The following ATP10B variants were observed in gnomAD, a reference collection of about 807,000 sequenced individuals.
ATP10B encodes phospholipid-transporting ATPase VB.
In ATP10B, 122 loss-of-function variants were observed where a neutral mutation model predicts 141.2. That is an observed-to-expected ratio of 0.86 (90% CI 0.75 to 1.00). ATP10B has a LOEUF of 1.00. ATP10B is among the 50% of genes least tolerant of loss of function. ATP10B has a pLI of 0.00. For missense variants in ATP10B, 1,876 were observed against 1,825.3 expected, an observed-to-expected ratio of 1.03 and a Z score of -0.51; for synonymous variants, 685 against 692.0, an observed-to-expected ratio of 0.99 and a Z score of 0.16.
intron 2 of ATP10B, among the ~76,000 whole-genome samples, chr5:160,720,160 T>C (rs558280174): frequency 9.2e-5 from 14 of 152,330 alleles, no homozygotes; most frequent in African/African-American, 3.4e-4. Context: ...ATATAAGCCC[T>C]TATTTCCCCT....
intron 24 of ATP10B, among the ~76,000 whole-genome samples, chr5:160,573,481 G>A (rs549317586): frequency 6.6e-6 from 1 of 152,346 alleles, no homozygotes; most frequent in South Asian, 2.1e-4. Context: ...CCATGGACTA[G>A]TACCAGTCCA....
chr5:160,842,186 A>G (rs1052871621), intron 1 of ATP10B, among the ~76,000 whole-genome samples: 3 of 152,194 alleles, frequency 2.0e-5, no homozygotes, highest in African/African-American at 7.2e-5. Flanking sequence ...ACTAAAAAAC[A>G]TTTTCCCCTA....
At chr5:160,912,414 CAAAAAAAAAAAAA>C in the ATP10B span, among the ~76,000 whole-genome samples, 6 of 88,910 alleles carry the variant, frequency 6.7e-5, no homozygotes, top group Admixed American at 1.4e-4. Context: ...CTGTTTCTAC[CAAAAAAAAAAAAA>C]AAAAAAAAAA....
chr5:160,703,883 A>G (rs1471559548), intron 3 of ATP10B, among the ~76,000 whole-genome samples: 2 of 152,234 alleles, frequency 1.3e-5, no homozygotes, highest in Non-Finnish European at 2.9e-5. Context: ...TAAACTACAG[A>G]ATGAATATTA....
At chr5:160,678,539 A>G (rs2127735856) in intron 6 of ATP10B, among the ~76,000 whole-genome samples, 1 of 152,236 alleles carries the variant, frequency 6.6e-6, no homozygotes, top group Admixed American at 6.5e-5. Context: ...CATGCCTGTA[A>G]TCCCAGCTAC....
chr5:160,765,998 C>T (rs1184792956), intron 2 of ATP10B, among the ~76,000 whole-genome samples: 10 of 152,048 alleles, frequency 6.6e-5, no homozygotes, highest in South Asian at 2.1e-4. Flanking sequence ...ATCAAAACCA[C>T]GATGTGATAC....
At chr5:160,802,501 A>G (rs1296504543) in intron 1 of ATP10B, among the ~76,000 whole-genome samples, 2 of 152,210 alleles carry the variant, frequency 1.3e-5, no homozygotes, top group African/African-American at 4.8e-5. Context: ...TGCCTGCGAT[A>G]TTGTTAAACA....
chr5:160,732,755 G>T (rs1766833965), intron 2 of ATP10B, among the ~76,000 whole-genome samples: 1 of 152,106 alleles, frequency 6.6e-6, no homozygotes. Context: ...TATTCATTTT[G>T]CTCAGAATTT....
intron 1 of ATP10B, among the ~76,000 whole-genome samples, chr5:160,827,933 T>C (rs1045924858): frequency 1.3e-5 from 2 of 152,224 alleles, no homozygotes; most frequent in Non-Finnish European, 2.9e-5. Context: ...GGCTCTGTTC[T>C]GTTCCATTGA....
intron 25 of ATP10B, among the ~76,000 whole-genome samples, chr5:160,566,915 T>C (rs1754579760): frequency 6.6e-6 from 1 of 152,192 alleles, no homozygotes; most frequent in Admixed American, 6.5e-5. Context: ...CCACTATGTC[T>C]AAAAGCTGCA....
At chr5:160,884,377 G>A in the ATP10B span, among the ~76,000 whole-genome samples, 6 of 152,296 alleles carry the variant, frequency 3.9e-5, no homozygotes, top group East Asian at 9.6e-4. Context: ...GGACTGACAT[G>A]TATAAAGATG....
At chr5:160,908,447 G>GAA in the ATP10B span, among the ~76,000 whole-genome samples, 4 of 152,178 alleles carry the variant, frequency 2.6e-5, no homozygotes, top group African/African-American at 9.7e-5. Context: ...TTCAAACTAT[G>GAA]AAAGACCTGA....
the ATP10B span, among the ~76,000 whole-genome samples, chr5:160,881,900 CTG>C: frequency 6.6e-6 from 1 of 152,122 alleles, no homozygotes; most frequent in Non-Finnish European, 1.5e-5. Flanking sequence ...GATAAATAAA[CTG>C]TGGTACATGT....
chr5:160,682,896 A>G (rs919687311), intron 6 of ATP10B, among the ~76,000 whole-genome samples: 3 of 151,638 alleles, frequency 2.0e-5, no homozygotes, highest in East Asian at 1.9e-4. Flanking sequence ...AAAATTAGCC[A>G]GGCGTGATGG....
At chr5:160,770,610 T>G (rs116992043) in intron 2 of ATP10B, among the ~76,000 whole-genome samples, 2 of 152,188 alleles carry the variant, frequency 1.3e-5, no homozygotes, top group Non-Finnish European at 2.9e-5. Context: ...CATTTCCCAG[T>G]GCAAGGTATT....
intron 1 of ATP10B, among the ~76,000 whole-genome samples, chr5:160,828,903 T>G (rs1260804453): frequency 1.4e-5 from 2 of 146,912 alleles, no homozygotes; most frequent in Non-Finnish European, 3.0e-5. Context: ...TCATGTCATT[T>G]GTAGGGACAT....
intron 22 of ATP10B, among the ~76,000 whole-genome samples, chr5:160,591,609 C>T (rs1185563098): frequency 6.6e-6 from 1 of 152,174 alleles, no homozygotes; most frequent in African/African-American, 2.4e-5. Flanking sequence ...CACAGGTTCC[C>T]CCAAGTTTCT....
chr5:160,621,573 T>G lies in ATP10B; in HGVS notation c.1813-623A>C, dbSNP rs1191546568. On this transcript the variant is annotated intron_variant, in intron 14 of 25. Transcript: ENST00000327245. The stretch of plus-strand genomic sequence containing the variant: ...CCTCCAAAAACTTCCTGAAGACTTC[T>G]GATAACATGCTGACTTTTCAGTGCT... Among the ~76,000 whole-genome samples the G allele has an allele frequency of 4.6e-5, 7 of 152,346 alleles. No individual in the cohort carries two copies. In the East Asian group the frequency reaches 1.3e-3, roughly 29 times the overall value.
chr5:160,766,469 T>C (rs1769440078), intron 2 of ATP10B, among the ~76,000 whole-genome samples: 1 of 151,758 alleles, frequency 6.6e-6, no homozygotes, highest in Non-Finnish European at 1.5e-5. Context: ...TGGAGAACAT[T>C]ATTCTAAGTA....
Sources: allele counts gnomAD v4.1 joint callset (sites outside exome capture counted in the v4.1 genomes callset), GRCh38; gene constraint gnomAD v4.1.1; transcripts MANE v1.5; gene names NCBI Gene and HGNC (gene_info 2026-07-23, HGNC 2026-07-21).